GALNT18: variants seen among roughly 807,000 people sequenced by gnomAD.
The protein encoded by GALNT18 is polypeptide N-acetylgalactosaminyltransferase 18.
Under a neutral mutation model 69.5 loss-of-function variants are expected in GALNT18, and 44 were observed. That is an observed-to-expected ratio of 0.63 (90% CI 0.50 to 0.81). The LOEUF is 0.81. GALNT18 is among the 40% of genes least tolerant of loss of function. The probability of loss-of-function intolerance (pLI) is 0.00; values close to 1 mark genes in which losing one functional copy is unlikely to be tolerated. For missense variants in GALNT18, 715 were observed against 810.0 expected, an observed-to-expected ratio of 0.88 and a Z score of 1.42; for synonymous variants, 364 against 318.2, an observed-to-expected ratio of 1.14 and a Z score of -1.53.
chr11:11,280,034 A>C (rs893032144), intron 10 of GALNT18, among the ~76,000 whole-genome samples: 1 of 152,100 alleles, frequency 6.6e-6, no homozygotes, highest in African/African-American at 2.4e-5. Context: ...ACATGGGATT[A>C]CCGACTTCCT....
At chr11:11,284,035 G>A (rs2132990170) in intron 10 of GALNT18, among the ~76,000 whole-genome samples, 1 of 152,268 alleles carries the variant, frequency 6.6e-6, no homozygotes, top group Admixed American at 6.5e-5. Context: ...GCCCCGCCTT[G>A]GCCACGTCAC....
intron 3 of GALNT18, among the ~76,000 whole-genome samples, chr11:11,385,730 C>T (rs985072211): frequency 2.0e-5 from 3 of 152,090 alleles, no homozygotes; most frequent in African/African-American, 7.2e-5. Flanking sequence ...GGAATTGGGG[C>T]ATGAATACCC....
intron 9 of GALNT18, among the ~76,000 whole-genome samples, chr11:11,302,589 C>A (rs1849516473): frequency 6.6e-6 from 1 of 152,192 alleles, no homozygotes; most frequent in African/African-American, 2.4e-5. Context: ...CAGAAACACG[C>A]TGCCATGGGA....
At chr11:11,539,187 G>C (rs904732027) in intron 1 of GALNT18, among the ~76,000 whole-genome samples, 1 of 152,226 alleles carries the variant, frequency 6.6e-6, no homozygotes, top group South Asian at 2.1e-4. Context: ...TGATATCCAA[G>C]GCTCCCTCTC....
At chr11:11,400,475 C>T (rs1035658336) in intron 3 of GALNT18, among the ~76,000 whole-genome samples, 3 of 152,184 alleles carry the variant, frequency 2.0e-5, no homozygotes, top group Non-Finnish European at 4.4e-5. Context: ...TATGCCCTGT[C>T]TAACGAAGGT....
At chr11:11,354,843 C>T (rs181929865) in intron 6 of GALNT18, among the ~76,000 whole-genome samples, 1 of 152,144 alleles carries the variant, frequency 6.6e-6, no homozygotes, top group Non-Finnish European at 1.5e-5. Flanking sequence ...CCTGCCTCCC[C>T]ATCTGTCCCT....
chr11:11,368,778 T>G (rs1174864997), intron 6 of GALNT18, among the ~76,000 whole-genome samples: 1 of 152,228 alleles, frequency 6.6e-6, no homozygotes, highest in Non-Finnish European at 1.5e-5. Flanking sequence ...ATAACCTACT[T>G]TATATTCCGT....
rs371824810 is a variant in GALNT18 at position 11,383,862 on chromosome 11, C to T, written c.596-4598G>A. 2.0e-4 allele frequency among the ~76,000 whole-genome samples: 31 copies of T among 151,698 alleles called. No homozygotes were observed. The highest frequency in any genetic ancestry group is 5.3e-4 in the African/African-American group (22 of 41,320). ...CTCTGTCTCTCTCTCCCTCTCTCTCCTGCCACCTTGTGAAGAAGGTGACTG... is the reference window on the plus strand; with the variant it reads ...CTCTGTCTCTCTCTCCCTCTCTCTCTTGCCACCTTGTGAAGAAGGTGACTG... On this transcript the variant is annotated intron_variant, in intron 3 of 10. Coordinates refer to ENST00000227756, the MANE Select transcript of GALNT18 (RefSeq NM_198516.3). This position sits in a 1 kb window ranked among gnomAD's most constrained non-coding sequence, Gnocchi z 5.2.
chr11:11,371,916 C>A lies in GALNT18; in HGVS notation c.1092+599G>T, dbSNP rs532162006. 2.0e-5 allele frequency among the ~76,000 whole-genome samples: 3 copies of A among 152,298 alleles called. No individual in the cohort carries two copies. The South Asian group carries it at 6.2e-4, about 32-fold the overall frequency. On this transcript the variant is annotated intron_variant, in intron 6 of 10. Coordinates refer to ENST00000227756, the MANE Select transcript of GALNT18 (RefSeq NM_198516.3). Reference sequence around the variant, plus strand: ...GCCTCTTGGGGATCCATGCCATGAGCTGATTGCTGGAAAAAACTCTGTACT... The same window carrying A: ...GCCTCTTGGGGATCCATGCCATGAGATGATTGCTGGAAAAAACTCTGTACT...
chr11:11,427,055 C>T (rs912718849), intron 3 of GALNT18, among the ~76,000 whole-genome samples: 3 of 152,236 alleles, frequency 2.0e-5, no homozygotes, highest in African/African-American at 7.2e-5. Flanking sequence ...GCTGGGATTA[C>T]AGGCATGAGC....
chr11:11,529,759 C>A (rs4910372), intron 1 of GALNT18, among the ~76,000 whole-genome samples: 1 of 151,840 alleles, frequency 6.6e-6, no homozygotes, highest in Admixed American at 6.6e-5. Flanking sequence ...TACGTATGCA[C>A]ATGTACCTAT....
chr11:11,468,234 G>A (rs901559), intron 1 of GALNT18, among the ~76,000 whole-genome samples: 124,997 of 152,206 alleles, frequency 0.82, 52,848 homozygotes, highest in Middle Eastern at 0.93. Flanking sequence ...TGCAAGGTCT[G>A]TTTTCCTCAT....
At chr11:11,425,217 T>C (rs111519028) in intron 3 of GALNT18, among the ~76,000 whole-genome samples, 31 of 152,250 alleles carry the variant, frequency 2.0e-4, no homozygotes, top group African/African-American at 6.3e-4. Flanking sequence ...TGGCAACAGA[T>C]ATGGGAGGTT....
rs1393225251 is a variant in GALNT18, at chr11:11,444,920, C to A, written c.428+3824G>T. Among the ~76,000 whole-genome samples, 2 of 152,238 alleles carry A rather than the reference C, an allele frequency of 1.3e-5. No homozygotes were observed. The highest frequency in any genetic ancestry group is 4.8e-5 in the African/African-American group (2 of 41,458). ...CACAGCATGAATCTTCCAGAGACTG[C>A]AGTGACTGTGGGCTTCCTCTCCACA... On this transcript the variant is annotated intron_variant, in intron 2 of 10. Transcript: ENST00000227756. The surrounding 1 kb of genome is among the most constrained non-coding windows in gnomAD (Gnocchi z 4.4).
intron 7 of GALNT18, among the ~76,000 whole-genome samples, chr11:11,334,996 CAGA>C (rs1850086150): frequency 6.6e-6 from 1 of 152,208 alleles, no homozygotes; most frequent in South Asian, 2.1e-4. Context: ...ATCCTTATAT[CAGA>C]AAACTGTGTC....
intron 6 of GALNT18, among the ~76,000 whole-genome samples, chr11:11,351,788 AT>A (rs202001941): frequency 1.4e-4 from 21 of 145,920 alleles, no homozygotes; most frequent in Non-Finnish European, 2.3e-4. Flanking sequence ...GCCTATTATA[AT>A]TTTTTTTTAT....
At chr11:11,294,703 G>C (rs76315768) in intron 9 of GALNT18, among the ~76,000 whole-genome samples, 9,012 of 152,126 alleles carry the variant, frequency 0.059, 316 homozygotes, top group Middle Eastern at 0.16. Context: ...TTTGGGTCTG[G>C]TCTAGGGGAA....
intron 1 of GALNT18, among the ~76,000 whole-genome samples, chr11:11,486,093 A>C (rs935840018): frequency 2.6e-5 from 4 of 152,180 alleles, no homozygotes; most frequent in Non-Finnish European, 1.5e-5. Context: ...ATCTACAAGA[A>C]GGACTCAGCA....
intron 9 of GALNT18, among the ~76,000 whole-genome samples, chr11:11,313,280 G>A (rs752114741): frequency 4.6e-5 from 7 of 152,156 alleles, no homozygotes; most frequent in African/African-American, 1.7e-4. Context: ...GGAGGGAGCT[G>A]ATGAGCCTGT....
Sources: allele counts gnomAD v4.1 joint callset (sites outside exome capture counted in the v4.1 genomes callset), GRCh38; gene constraint gnomAD v4.1.1; non-coding constraint Gnocchi (gnomAD v3.1); transcripts MANE v1.5; gene names NCBI Gene and HGNC (gene_info 2026-07-23, HGNC 2026-07-21).